Variants in SLC16A12 observed in about 807,000 individuals in gnomAD.
The protein encoded by SLC16A12 is monocarboxylate transporter 12.
Under a neutral mutation model 42.4 loss-of-function variants are expected in SLC16A12, and 17 were observed. The ratio of observed to expected loss-of-function variants is 0.40; its 90% confidence interval spans 0.27 to 0.60. The LOEUF (loss-of-function observed/expected upper bound fraction) is 0.60, where lower values mean the gene tolerates loss of function less well. Among genes scored for constraint, SLC16A12 ranks in the 20% least tolerant of loss-of-function variants. The pLI is 0.42. For synonymous variants in SLC16A12, 224 were observed against 229.4 expected (o/e 0.98, Z 0.21); for missense variants, 544 against 623.0 (o/e 0.87, Z 1.35).
intron 2 of SLC16A12, among the ~76,000 whole-genome samples, chr10:89,472,962 C>T (rs566800316): frequency 1.2e-4 from 18 of 151,892 alleles, no homozygotes; most frequent in Non-Finnish European, 2.6e-4. Context: ...GGACTACAGG[C>T]ACATACCACC....
intron 3 of SLC16A12, among the ~76,000 whole-genome samples, chr10:89,450,592 C>T (rs1237217382): frequency 1.3e-5 from 2 of 152,150 alleles, no homozygotes; most frequent in Non-Finnish European, 2.9e-5. Context: ...GAACGGCACA[C>T]ACTGGGGCCT....
Position 89,441,151 on chromosome 10 carries a change from G to C in SLC16A12, c.405C>G (p.Ala135=), listed in dbSNP as rs773428652. ...TGAGGTAGAGATGCTTCAGACTCGT[G>C]GCAAATGAGCTCAGGATGAGTCCAG... ...ASTGLILSSF[A]TSLKHLYLTL... Residue 135 remains alanine, a synonymous_variant, in exon 5 of 8, where the codon GCC becomes GCG. Coordinates refer to ENST00000371790, the MANE Select transcript of SLC16A12 (RefSeq NM_213606.4). The C allele has an allele frequency of 1.2e-6, 2 of 1,613,774 alleles. No individual in the cohort carries two copies. The highest frequency in any genetic ancestry group is 1.7e-6 in the Non-Finnish European group (2 of 1,179,852).
chr10:89,482,281 A>G (rs1405371429), intron 2 of SLC16A12, among the ~76,000 whole-genome samples: 3 of 151,832 alleles, frequency 2.0e-5, no homozygotes, highest in African/African-American at 4.8e-5. Context: ...AGGCTAAAGT[A>G]TAGCTACAGA....
intron 2 of SLC16A12, among the ~76,000 whole-genome samples, chr10:89,546,623 C>T (rs1414985435): frequency 1.3e-5 from 2 of 152,132 alleles, no homozygotes; most frequent in Non-Finnish European, 2.9e-5. Context: ...AAGATAGTAT[C>T]GCGATTCCTC....
chr10:89,539,984 TCTTTC>T (rs1843705132), upstream of SLC16A12, among the ~76,000 whole-genome samples: 2 of 151,466 alleles, frequency 1.3e-5, no homozygotes, highest in African/African-American at 4.8e-5. Context: ...TCTCTTTCTT[TCTTTC>T]TTTTCTCTCA....
At chr10:89,547,256 C>A (rs1039137139) in intron 2 of SLC16A12, among the ~76,000 whole-genome samples, 3 of 152,140 alleles carry the variant, frequency 2.0e-5, no homozygotes, top group African/African-American at 7.2e-5. Context: ...TATCAGAAGT[C>A]TTTTGTATAG....
At chr10:89,524,005 G>C (rs1297682742) in intron 2 of SLC16A12, among the ~76,000 whole-genome samples, 9 of 152,124 alleles carry the variant, frequency 5.9e-5, no homozygotes, top group Admixed American at 4.6e-4. Context: ...CTTTTCCTCA[G>C]GAAAAGACAT....
At chr10:89,488,391 T>C (rs1013047456) in intron 2 of SLC16A12, among the ~76,000 whole-genome samples, 2 of 152,220 alleles carry the variant, frequency 1.3e-5, no homozygotes, top group African/African-American at 4.8e-5. Flanking sequence ...GAAGAGGATG[T>C]GGATGCCAGC....
intron 2 of SLC16A12, among the ~76,000 whole-genome samples, chr10:89,484,906 C>T (rs961648071): frequency 6.6e-6 from 1 of 152,028 alleles, no homozygotes; most frequent in South Asian, 2.1e-4. Context: ...TCTGCACCTC[C>T]CTGGCCCTGC....
chr10:89,480,092 C>T (rs17387764), intron 2 of SLC16A12, among the ~76,000 whole-genome samples: 2,314 of 152,190 alleles, frequency 0.015, 30 homozygotes, highest in Non-Finnish European at 0.022. Flanking sequence ...AAAAAAGAAA[C>T]CCACATTCCT....
At chr10:89,543,629 G>C (rs544525305) in intron 2 of SLC16A12, among the ~76,000 whole-genome samples, 1 of 151,978 alleles carries the variant, frequency 6.6e-6, no homozygotes, top group Non-Finnish European at 1.5e-5. Context: ...AAGAGTTTGA[G>C]ATCAGCCTAG....
chr10:89,506,929 T>C (rs1843072265), intron 2 of SLC16A12, among the ~76,000 whole-genome samples: 1 of 151,894 alleles, frequency 6.6e-6, no homozygotes, highest in African/African-American at 2.4e-5. Flanking sequence ...TAGTGAAGCA[T>C]ACACAAGCTT....
At chr10:89,554,675 G>A (rs560004470) in intron 2 of SLC16A12, among the ~76,000 whole-genome samples, 3 of 152,196 alleles carry the variant, frequency 2.0e-5, no homozygotes, top group South Asian at 2.1e-4. Context: ...GTGGGGAAAC[G>A]GTCTTACTTT....
intron 7 of SLC16A12, among the ~76,000 whole-genome samples, chr10:89,433,597 A>G (rs1841728706): frequency 6.6e-6 from 1 of 152,254 alleles, no homozygotes; most frequent in Admixed American, 6.5e-5. Context: ...AATATTAGTT[A>G]CTATTAACCC....
At chr10:89,471,670 T>C (rs1490773928) in intron 2 of SLC16A12, among the ~76,000 whole-genome samples, 1 of 152,336 alleles carries the variant, frequency 6.6e-6, no homozygotes, top group East Asian at 1.9e-4. Flanking sequence ...TGCTCAATCA[T>C]AGGGTAAATG....
Position 89,430,713 on chromosome 10 carries a change from T to C in SLC16A12, c.*2351A>G, listed in dbSNP as rs1841681083. ...GGAAAGTAAAATGCAAATCTATGCATGTATAAAGTCAAATCTCCCAAATGT... is the reference window on the plus strand; with the variant it reads ...GGAAAGTAAAATGCAAATCTATGCACGTATAAAGTCAAATCTCCCAAATGT... On this transcript the variant is annotated 3_prime_UTR_variant, in exon 8 of 8. Transcript: ENST00000371790. 3 of 463,686 alleles carry C rather than the reference T, an allele frequency of 6.5e-6. No individual in the cohort carries two copies. The highest frequency in any genetic ancestry group is 1.3e-5 in the Non-Finnish European group (3 of 225,338). The allele number at this position is 463,686 out of a possible 1,614,324, so 28.7% of individuals were successfully genotyped here.
intron 6 of SLC16A12, among the ~76,000 whole-genome samples, chr10:89,437,265 A>G (rs1166479741): frequency 3.3e-5 from 5 of 152,252 alleles, no homozygotes; most frequent in Non-Finnish European, 7.3e-5. Context: ...TGGTATTCCC[A>G]TTAATTTTCC....
At chr10:89,505,676 G>A (rs1843049508) in intron 2 of SLC16A12, among the ~76,000 whole-genome samples, 1 of 152,148 alleles carries the variant, frequency 6.6e-6, no homozygotes, top group African/African-American at 2.4e-5. Context: ...CCCAGCCAAG[G>A]GAAGCCATGA....
chr10:89,493,763 A>T (rs1407345718), intron 2 of SLC16A12, among the ~76,000 whole-genome samples: 1 of 152,174 alleles, frequency 6.6e-6, no homozygotes, highest in Non-Finnish European at 1.5e-5. Flanking sequence ...ATGCATTTTT[A>T]TCTCTTTTGC....
Sources: allele counts gnomAD v4.1 joint callset (sites outside exome capture counted in the v4.1 genomes callset), GRCh38; gene constraint gnomAD v4.1.1; transcripts MANE v1.5; gene names NCBI Gene and HGNC (gene_info 2026-07-23, HGNC 2026-07-21).